Variants in USP16 observed in about 807,000 individuals in gnomAD.
USP16 encodes ubiquitin specific peptidase 16.
USP16 carries 77 observed loss-of-function variants against 95.9 expected under a neutral mutation model. The ratio of observed to expected loss-of-function variants is 0.80; its 90% CI spans 0.67 to 0.97. The LOEUF (loss-of-function observed/expected upper bound fraction) is 0.97, where lower values mean the gene tolerates loss of function less well. Ranked by LOEUF, USP16 falls within the 50% of genes least tolerant of loss-of-function variation. The pLI, the probability that USP16 is intolerant of heterozygous loss-of-function variation, is 0.00. For missense variants in USP16, 943 were observed against 959.9 expected (o/e 0.98, Z 0.23); for synonymous variants, 303 against 318.2 (o/e 0.95, Z 0.51).
intron 3 of USP16, among the ~76,000 whole-genome samples, chr21:29,031,276 C>T (rs962096373): frequency 1.3e-5 from 2 of 152,170 alleles, no homozygotes; most frequent in East Asian, 3.8e-4. Flanking sequence ...CTGGCTGGCA[C>T]ATCACAGTAT....
chr21:29,045,815 T>C (rs955828685), intron 13 of USP16, among the ~76,000 whole-genome samples: 3 of 152,170 alleles, frequency 2.0e-5, no homozygotes, highest in African/African-American at 7.2e-5. Context: ...ACTTTTTCTT[T>C]CTTTTTTTTG....
At chr21:29,033,116 T>G (rs1049725963) in intron 3 of USP16, among the ~76,000 whole-genome samples, 2 of 152,236 alleles carry the variant, frequency 1.3e-5, no homozygotes, top group Non-Finnish European at 2.9e-5. Flanking sequence ...GCTATTTCAG[T>G]TTTTCAGAAT....
chr21:29,024,728 C>T lies in USP16; in HGVS notation c.-91C>T, dbSNP rs1312533026. 7.8e-7 allele frequency: 1 copy of T among 1,289,378 alleles called. No individual in the cohort carries two copies. Among genetic ancestry groups the T allele is most frequent in the Middle Eastern group, 2.1e-4 (1 of 4,664 alleles). 79.9% of individuals were successfully genotyped at this position (1,289,378 alleles called of 1,614,324 possible). A position where few individuals can be genotyped will look rare whatever the true frequency, so the allele number is the denominator to read the frequency against. ...CCAGGAGGAAGACGGAGCTGGCTGCCCAGCCCAAAGGCCCATGAGGGGATG... is the reference window on the plus strand; with the variant it reads ...CCAGGAGGAAGACGGAGCTGGCTGCTCAGCCCAAAGGCCCATGAGGGGATG... On this transcript the variant is annotated 5_prime_UTR_variant, in exon 1 of 18. Transcript: ENST00000399976.
chr21:29,034,193 G>A lies in USP16; in HGVS notation c.241-644G>A, dbSNP rs535240208. Among the ~76,000 whole-genome samples the A allele has an allele frequency of 3.3e-5, 5 of 152,252 alleles. No individual in the cohort carries two copies. In the South Asian group the frequency reaches 1.0e-3, roughly 32 times the overall value. On this transcript the variant is annotated intron_variant, in intron 3 of 17. Transcript: ENST00000399976. ...TGTGAAGAAGGAGGCTGAAGTTAGG[G>A]GAATGTTTAGGAGACTGTTAAGGAA...
At chr21:29,025,940 A>G (rs976827502) in intron 1 of USP16, among the ~76,000 whole-genome samples, 3 of 152,222 alleles carry the variant, frequency 2.0e-5, no homozygotes, top group Non-Finnish European at 4.4e-5. Flanking sequence ...CAGATTAAAG[A>G]TTTAAGAAAT....
intron 10 of USP16, 147 bp downstream of exon 10, chr21:29,040,834 C>T (rs1368531398): frequency 7.6e-6 from 3 of 396,384 alleles, no homozygotes; most frequent in Non-Finnish European, 1.4e-5. Context: ...TTATTCAGTG[C>T]TCCAGAAGTG....
chr21:29,045,276 C>G (rs536101929), intron 13 of USP16, among the ~76,000 whole-genome samples: 1 of 152,286 alleles, frequency 6.6e-6, no homozygotes, highest in East Asian at 1.9e-4. Flanking sequence ...AGAGTAGCCT[C>G]ACAGGGGCTG....
intron 5 of USP16, 25 bp from the exon 6 acceptor site, chr21:29,037,251 T>A: frequency 7.0e-7 from 1 of 1,426,400 alleles, no homozygotes. Flanking sequence ...TTACACATTT[T>A]GCTAAATCTT....
In USP16 at chr21:29,038,258, G is replaced by A. The variant is rs529670303; in HGVS notation, c.637-77G>A. The A allele has an allele frequency of 6.3e-5, 60 of 946,184 alleles. 1 individual carries two copies. The South Asian group carries it at 9.3e-4, about 15-fold the overall frequency. The allele number at this position is 946,184 out of a possible 1,614,324, so 58.6% of individuals were successfully genotyped here. ...TTGGTCATGATTTTCTGTTTTGATA[G>A]AATAGACACTTAAGAAGTGTCAGAG... On this transcript the variant is annotated intron_variant, in intron 6 of 17. Coordinates refer to ENST00000399976, the MANE Select transcript of USP16 (RefSeq NM_006447.3).
chr21:29,053,484 A>G (rs1230696615), intron 16 of USP16: 1 of 236,230 alleles, frequency 4.2e-6, no homozygotes, highest in Non-Finnish European at 8.3e-6. Flanking sequence ...GTTAATAGCT[A>G]GGGTTGTTAA....
At chr21:29,050,243 C>T (rs1006225546) in intron 16 of USP16, 65 bp downstream of exon 16, 133 of 1,406,182 alleles carry the variant, frequency 9.5e-5, no homozygotes, top group East Asian at 2.3e-5. Context: ...CCTAATGCTC[C>T]AGTAGCAACT....
intron 7 of USP16, among the ~76,000 whole-genome samples, chr21:29,038,768 A>G (rs2085200316): frequency 6.6e-6 from 1 of 152,136 alleles, no homozygotes; most frequent in African/African-American, 2.4e-5. Flanking sequence ...CATTTTTATT[A>G]TTTACATTTT....
chr21:29,026,378 C>A (rs2084987063), intron 1 of USP16, among the ~76,000 whole-genome samples: 1 of 150,546 alleles, frequency 6.6e-6, no homozygotes, highest in African/African-American at 2.4e-5. Context: ...AGCACTTGAA[C>A]CCGGGCGGCA....
At chr21:29,053,396 G>A (rs544309691) in intron 16 of USP16, 37 of 162,242 alleles carry the variant, frequency 2.3e-4, no homozygotes, top group Non-Finnish European at 3.7e-4. Context: ...GATGTAAGGG[G>A]TAATTTTTGG....
At position 29,046,743 on chromosome 21, in the gene USP16, A is replaced by G. The variant is rs1317950380; in HGVS notation, c.1433A>G (p.Asp478Gly). ...ATTTGTACTATTGACCATCCTGAAG[A>G]CAGTGAATATGAAGCTGAAATGTCA... is the stretch of plus-strand genomic sequence containing the variant. Reference protein sequence around the residue: ...NDICTIDHPEDSEYEAEMSLQ... With the variant: ...NDICTIDHPEGSEYEAEMSLQ... The change falls in exon 14 of 18, where the codon GAC becomes GGC. Residue 478 changes from aspartate (D) to glycine (G), a missense_variant. Asp to Gly is a moderately conservative substitution (Grantham distance 94, BLOSUM62 -1). Transcript: ENST00000399976. The G allele has an allele frequency of 1.1e-5, 18 of 1,614,058 alleles. No individual in the cohort carries two copies. Among genetic ancestry groups the G allele is most frequent in the Non-Finnish European group, 1.4e-5 (17 of 1,179,996 alleles).
chr21:29,048,804 A>G lies in USP16; in HGVS notation c.2055A>G (p.Leu685=). The G allele has an allele frequency of 6.2e-7, 1 of 1,613,902 alleles. No homozygotes were observed. Among genetic ancestry groups the G allele is most frequent in the South Asian group, 1.1e-5 (1 of 91,082 alleles). Residue 685 remains leucine, a synonymous_variant, in exon 15 of 18, where the codon CTA becomes CTG. Transcript: ENST00000399976. ...ACACCAATGCCAAAAAGCAGATGCT[A>G]ATTTCTCTTGCTCCTCCTGTTCTTA... ...HVYTNAKKQM[L]ISLAPPVLTL...
intron 5 of USP16, among the ~76,000 whole-genome samples, 194 bp from the exon 6 acceptor site, chr21:29,037,082 T>G (rs946488092): frequency 6.6e-6 from 1 of 152,210 alleles, no homozygotes; most frequent in African/African-American, 2.4e-5. Flanking sequence ...GGTCTGAGTA[T>G]TTTTTGTTTA....
At chr21:29,026,410 C>T (rs1443102384) in intron 1 of USP16, among the ~76,000 whole-genome samples, 1 of 141,094 alleles carries the variant, frequency 7.1e-6, no homozygotes, top group Non-Finnish European at 1.5e-5. Flanking sequence ...GAGCCGAGAT[C>T]GGGCCACTGC....
chr21:29,031,927 G>A lies in USP16; in HGVS notation c.240+1154G>A, dbSNP rs536073047. 5.7e-4 allele frequency among the ~76,000 whole-genome samples: 86 copies of A among 152,210 alleles called. 1 individual carries two copies. The highest frequency in any genetic ancestry group is 4.2e-3 in the South Asian group (20 of 4,818). ...TTGAGATTGAAACAACACACCAATCGCAATCAGATCTCCTGAGTTTGACTT... is the reference window on the plus strand; with the variant it reads ...TTGAGATTGAAACAACACACCAATCACAATCAGATCTCCTGAGTTTGACTT... On this transcript the variant is annotated intron_variant, in intron 3 of 17. Coordinates refer to ENST00000399976, the MANE Select transcript of USP16 (RefSeq NM_006447.3).
Sources: allele counts gnomAD v4.1 joint callset (sites outside exome capture counted in the v4.1 genomes callset), GRCh38; gene constraint gnomAD v4.1.1; transcripts MANE v1.5; gene names NCBI Gene and HGNC (gene_info 2026-07-23, HGNC 2026-07-21).